Variants in TCF4 observed in about 807,000 individuals in gnomAD.
TCF4 encodes the protein SL3-3 enhancer factor 2.
A neutral mutation model predicts 82.1 loss-of-function variants in TCF4; 3 were observed. The ratio of observed to expected loss-of-function variants is 0.04; its 90% CI spans 0.02 to 0.09. The LOEUF is 0.09. Ranked by LOEUF, TCF4 falls within the 10% of genes least tolerant of loss-of-function variation. The probability of loss-of-function intolerance (pLI) is 1.00; values close to 1 mark genes in which losing one functional copy is unlikely to be tolerated. For synonymous variants in TCF4, 276 were observed against 309.6 expected, an observed-to-expected ratio of 0.89 and a Z score of 1.14; for missense variants, 518 against 852.7, an observed-to-expected ratio of 0.61 and a Z score of 4.89.
Position 55,630,217 on chromosome 18 carries a change from T to C in TCF4, c.286+1081A>G, listed in dbSNP as rs184449980. 2.0e-5 allele frequency among the ~76,000 whole-genome samples: 3 copies of C among 152,320 alleles called. No individual in the cohort carries two copies. In the East Asian group the frequency reaches 5.8e-4, roughly 29 times the overall value. ...TATAGAATAATAATGTGTTAGATAA[T>C]TATAACATTTAATTACTTGAGAAGA... On this transcript the variant is annotated intron_variant, in intron 2 of 20. Coordinates refer to the TCF4 transcript ENST00000398339.
At chr18:55,342,203 A>G (rs1229925765) in intron 8 of TCF4, among the ~76,000 whole-genome samples, 1 of 152,204 alleles carries the variant, frequency 6.6e-6, no homozygotes. Flanking sequence ...GGGAAAATGA[A>G]ATAGCATTTA....
chr18:55,321,871 G>A (rs1326313090), intron 8 of TCF4: 1 of 1,446,520 alleles, frequency 6.9e-7, no homozygotes, highest in Non-Finnish European at 9.1e-7. Context: ...AATATGCAAA[G>A]CAGGAAGAGA....
intron 4 of TCF4, among the ~76,000 whole-genome samples, chr18:55,461,635 A>G (rs892144358): frequency 2.0e-5 from 3 of 152,160 alleles, no homozygotes; most frequent in Non-Finnish European, 4.4e-5. Flanking sequence ...TAAGAGAACT[A>G]GATTGTCACA....
intron 6 of TCF4, among the ~76,000 whole-genome samples, chr18:55,378,816 C>T (rs1464602465): frequency 6.6e-6 from 1 of 152,190 alleles, no homozygotes; most frequent in Non-Finnish European, 1.5e-5. Context: ...TAAAACTAAT[C>T]TTTGCTTTCC....
chr18:55,582,232 T>G (rs1446735506), intron 3 of TCF4, among the ~76,000 whole-genome samples: 6 of 152,132 alleles, frequency 3.9e-5, no homozygotes, highest in Admixed American at 6.6e-5. Flanking sequence ...TACTTTTCAA[T>G]GAGAATAATT....
chr18:55,556,228 T>C (rs896022938), intron 3 of TCF4, among the ~76,000 whole-genome samples: 2 of 152,110 alleles, frequency 1.3e-5, no homozygotes, highest in African/African-American at 4.8e-5. Flanking sequence ...CAGAATAGCA[T>C]TTTTTTCCAC....
intron 3 of TCF4, among the ~76,000 whole-genome samples, chr18:55,548,750 G>C (rs1489607688): frequency 6.6e-6 from 1 of 152,032 alleles, no homozygotes; most frequent in Non-Finnish European, 1.5e-5. Context: ...CACAGGCAAG[G>C]GTATCACAAT....
intron 6 of TCF4, among the ~76,000 whole-genome samples, chr18:55,398,249 C>T (rs1357337548): frequency 2.6e-5 from 4 of 152,118 alleles, no homozygotes; most frequent in African/African-American, 7.2e-5. Flanking sequence ...ATGAATAAGC[C>T]GCTGCCCGAA....
chr18:55,446,718 C>T (rs1256180720), intron 5 of TCF4, among the ~76,000 whole-genome samples: 2 of 152,164 alleles, frequency 1.3e-5, no homozygotes, highest in Non-Finnish European at 2.9e-5. Context: ...GGCGCGGTGA[C>T]TCACGCCTGT....
Position 55,352,811 on chromosome 18 carries a change from C to T in TCF4, c.370-1808G>A, listed in dbSNP as rs562485296. On this transcript the variant is annotated intron_variant, in intron 6 of 19. Coordinates refer to ENST00000354452, the MANE Select transcript of TCF4 (RefSeq NM_001083962.2). ...GAATCTCAACCTAAATTTCACTCTT[C>T]GCATTTCTTATTAACAAAGAAAGTT... is the stretch of plus-strand genomic sequence containing the variant. 4.6e-5 allele frequency among the ~76,000 whole-genome samples: 7 copies of T among 152,228 alleles called. No homozygotes were observed. In the South Asian group the frequency reaches 6.2e-4, roughly 14 times the overall value.
chr18:55,547,159 A>C (rs767351059), intron 3 of TCF4, among the ~76,000 whole-genome samples: 5 of 152,252 alleles, frequency 3.3e-5, no homozygotes, highest in Admixed American at 6.5e-5. Flanking sequence ...TGATTTGCTG[A>C]AGCAAGGAAG....
At chr18:55,495,169 AGTT>A (rs915814264) in intron 3 of TCF4, among the ~76,000 whole-genome samples, 1 of 152,056 alleles carries the variant, frequency 6.6e-6, no homozygotes, top group African/African-American at 2.4e-5. Context: ...CCAATAGATA[AGTT>A]GTTTCAGTGT....
intron 2 of TCF4, chr18:55,596,265 G>A: frequency 3.2e-6 from 1 of 308,554 alleles, no homozygotes; most frequent in Non-Finnish European, 6.5e-6. Flanking sequence ...TCATTGCATT[G>A]GCTGTCACTT....
chr18:55,366,449 A>G (rs1426796194), intron 6 of TCF4, among the ~76,000 whole-genome samples: 1 of 151,950 alleles, frequency 6.6e-6, no homozygotes, highest in East Asian at 1.9e-4. Flanking sequence ...CACCATATTA[A>G]CTTCATAAAA....
chr18:55,422,474 A>G (rs370476318), intron 5 of TCF4: 7 of 980,894 alleles, frequency 7.1e-6, no homozygotes, highest in Non-Finnish European at 8.5e-6. Flanking sequence ...TTGGGTCACA[A>G]ATAAAAGTAC....
intron 5 of TCF4, among the ~76,000 whole-genome samples, chr18:55,420,256 C>CT (rs2094684902): frequency 6.6e-6 from 1 of 152,188 alleles, no homozygotes; most frequent in Non-Finnish European, 1.5e-5. Context: ...CTAAAGTCAT[C>CT]TTTATCATCA....
chr18:55,552,196 A>G (rs2097265986), intron 3 of TCF4, among the ~76,000 whole-genome samples: 1 of 152,200 alleles, frequency 6.6e-6, no homozygotes, highest in South Asian at 2.1e-4. Flanking sequence ...GTACTAGTTC[A>G]TGCCTATCTC....
chr18:55,268,260 T>C (rs925994861), intron 11 of TCF4: 5 of 152,132 alleles, frequency 3.3e-5, no homozygotes, highest in African/African-American at 9.7e-5. Flanking sequence ...AAATCTGTCT[T>C]GTAAAAGGAT....
chr18:55,534,666 A>G (rs1238045324), intron 3 of TCF4, among the ~76,000 whole-genome samples: 3 of 152,348 alleles, frequency 2.0e-5, no homozygotes, highest in Non-Finnish European at 4.4e-5. Context: ...CAAGCAAATC[A>G]GGACTCTTCT....
Sources: allele counts gnomAD v4.1 joint callset (sites outside exome capture counted in the v4.1 genomes callset), GRCh38; gene constraint gnomAD v4.1.1; transcripts MANE v1.5; gene names NCBI Gene and HGNC (gene_info 2026-07-23, HGNC 2026-07-21).